TNRC6A: variants seen among roughly 807,000 people sequenced by gnomAD.
TNRC6A encodes trinucleotide repeat containing adaptor 6A, also known as trinucleotide repeat-containing gene 6A protein.
In TNRC6A, 44 loss-of-function variants were observed where a neutral mutation model predicts 221.2. That is an observed-to-expected ratio of 0.20 (90% CI 0.16 to 0.26). The LOEUF is 0.26. TNRC6A is among the 10% of genes least tolerant of loss of function. The probability of loss-of-function intolerance (pLI) is 1.00; values close to 1 mark genes in which losing one functional copy is unlikely to be tolerated. For missense variants in TNRC6A, 2,199 were observed against 2,404.4 expected (o/e 0.91, Z 1.79); for synonymous variants, 847 against 838.5 (o/e 1.01, Z -0.18).
chr16:24,705,586 C>T (rs1302881655), intron 2 of TNRC6A, among the ~76,000 whole-genome samples: 1 of 152,214 alleles, frequency 6.6e-6, no homozygotes, highest in Non-Finnish European at 1.5e-5. Context: ...CCTGCCTTGG[C>T]CTCCTAAAGT....
intron 3 of TNRC6A, among the ~76,000 whole-genome samples, chr16:24,755,967 T>C (rs571709556): frequency 6.6e-6 from 1 of 152,288 alleles, no homozygotes. Flanking sequence ...TTGACCCTCA[T>C]AATAACCCTG....
At chr16:24,639,841 G>T (rs889120880) in intron 1 of TNRC6A, among the ~76,000 whole-genome samples, 1 of 152,046 alleles carries the variant, frequency 6.6e-6, no homozygotes, top group African/African-American at 2.4e-5. Flanking sequence ...GTTTTTTGTA[G>T]AAATGAGGCT....
In TNRC6A at chr16:24,781,043, CTTTTT is replaced by C. The variant is rs35502747; in HGVS notation, c.589+3706_589+3710del. Among the ~76,000 whole-genome samples the C allele has an allele frequency of 9.9e-4, 53 of 53,432 alleles. 1 individual carries two copies. Among genetic ancestry groups the C allele is most frequent in the African/African-American group, 4.1e-3 (47 of 11,326 alleles). 35.1% of individuals were successfully genotyped at this position (53,432 alleles called of 152,430 possible). On this transcript the variant is annotated intron_variant, in intron 5 of 24. Transcript: ENST00000395799. ...AAAAATTTTCTTAAGCCTCCATACT[CTTTTT>C]TTTTTTTTTTTTTTTTTTTTGGAGG... is the stretch of plus-strand genomic sequence containing the variant.
chr16:24,735,631 CTG>C (rs936547444), intron 2 of TNRC6A, among the ~76,000 whole-genome samples: 15 of 152,190 alleles, frequency 9.9e-5, no homozygotes, highest in African/African-American at 3.6e-4. Flanking sequence ...TAACAACCCT[CTG>C]TGGAAAATTT....
chr16:24,619,066 C>T (rs1394602536), intron 1 of TNRC6A, among the ~76,000 whole-genome samples: 12 of 152,108 alleles, frequency 7.9e-5, no homozygotes, highest in Admixed American at 7.9e-4. Context: ...ATTTTAAAAC[C>T]ATTGCTCTAA....
At chr16:24,746,332 A>G (rs1480879031) in intron 2 of TNRC6A, among the ~76,000 whole-genome samples, 2 of 152,142 alleles carry the variant, frequency 1.3e-5, no homozygotes, top group African/African-American at 4.8e-5. Flanking sequence ...AGGCCGAGGT[A>G]GGAGGATTGC....
At chr16:24,693,874 G>A (rs2055804820) in intron 2 of TNRC6A, among the ~76,000 whole-genome samples, 1 of 148,360 alleles carries the variant, frequency 6.7e-6, no homozygotes, top group Admixed American at 6.9e-5. Flanking sequence ...CTCCAGCATG[G>A]GTGACAGAGT....
Position 24,730,238 on chromosome 16 carries a change from G to GT in TNRC6A, c.6-8dup, listed in dbSNP as rs759181766. On this transcript the variant is annotated splice_polypyrimidine_tract_variant and intron_variant, in intron 1 of 24. Coordinates refer to ENST00000395799, the MANE Select transcript of TNRC6A (RefSeq NM_014494.4). ...GTGTTTTTGTTTTGTTTTTGTTTTTGTTTTTTTGTTTCAGAGAATTGGAAG... is the reference window on the plus strand; with the variant it reads ...GTGTTTTTGTTTTGTTTTTGTTTTTGTTTTTTTTGTTTCAGAGAATTGGAAG... 1.2e-5 allele frequency: 18 copies of GT among 1,562,210 alleles called. No homozygotes were observed. Among genetic ancestry groups the GT allele is most frequent in the African/African-American group, 6.9e-5 (5 of 72,076 alleles).
chr16:24,817,428 C>T (rs2058678149), intron 20 of TNRC6A, among the ~76,000 whole-genome samples: 2 of 152,070 alleles, frequency 1.3e-5, no homozygotes, highest in African/African-American at 4.8e-5. Flanking sequence ...ATTATATATG[C>T]TTATATACTC....
At position 24,720,215 on chromosome 16, in the gene TNRC6A, C is replaced by T. The variant is rs2056384883; in HGVS notation, n.403-30511C>T. On this transcript the variant is annotated intron_variant and non_coding_transcript_variant, in intron 2 of 2. Transcript: ENST00000566108. ...TCAGAAAAATTACCACTCTGGCCAACATAACAAGGCCCTGTCTACAAATAA... is the reference window on the plus strand; with the variant it reads ...TCAGAAAAATTACCACTCTGGCCAATATAACAAGGCCCTGTCTACAAATAA... 2.0e-5 allele frequency among the ~76,000 whole-genome samples: 3 copies of T among 152,258 alleles called. No individual in the cohort carries two copies. The South Asian group carries it at 6.2e-4, about 32-fold the overall frequency.
intron 2 of TNRC6A, among the ~76,000 whole-genome samples, chr16:24,647,431 C>G (rs1384914633): frequency 1.3e-5 from 2 of 152,118 alleles, no homozygotes; most frequent in Admixed American, 6.6e-5. Flanking sequence ...GGTTTTTGCT[C>G]AACATTTTAT....
chr16:24,764,355 C>T (rs1596646669), intron 4 of TNRC6A, among the ~76,000 whole-genome samples: 2 of 148,620 alleles, frequency 1.3e-5, no homozygotes, highest in African/African-American at 5.0e-5. Context: ...GAGACAGAGT[C>T]TTGCTCTGTC....
At chr16:24,722,223 C>T (rs1202285286) in intron 2 of TNRC6A, among the ~76,000 whole-genome samples, 1 of 152,166 alleles carries the variant, frequency 6.6e-6, no homozygotes, top group Non-Finnish European at 1.5e-5. Context: ...CCAGCCTGAG[C>T]AACACAGCAA....
chr16:24,689,662 C>A (rs961682152), intron 2 of TNRC6A, among the ~76,000 whole-genome samples: 1 of 151,318 alleles, frequency 6.6e-6, no homozygotes, highest in African/African-American at 2.5e-5. Flanking sequence ...CAAATTGCTG[C>A]CCTTATAGAG....
chr16:24,791,077 G>T lies in TNRC6A; in HGVS notation c.2435G>T (p.Gly812Val), dbSNP rs764926104. ...GGWEDDSAAT[G>V]MVKSNQWGNC... ...TGGGAAGATGATTCTGCTGCTACAG[G>T]AATGGTCAAGAGCAATCAGTGGGGG... Residue 812 changes from glycine (G) to valine (V), a missense_variant, in exon 6 of 25, where the codon GGA (glycine) becomes GTA (valine). Physicochemically the swap from Gly to Val is moderately radical, Grantham distance 109. Transcript: ENST00000395799. 16 of 1,608,654 alleles carry T rather than the reference G, an allele frequency of 9.9e-6. No homozygotes were observed. Among genetic ancestry groups the T allele is most frequent in the Middle Eastern group, 3.3e-4 (2 of 6,050 alleles).
chr16:24,773,781 T>C (rs1307087890), intron 4 of TNRC6A, among the ~76,000 whole-genome samples: 1 of 152,204 alleles, frequency 6.6e-6, no homozygotes, highest in African/African-American at 2.4e-5. Context: ...ATAATGCTTT[T>C]CTCTTTGAAT....
chr16:24,623,185 A>AC (rs1169276380), intron 1 of TNRC6A, among the ~76,000 whole-genome samples: 94 of 145,008 alleles, frequency 6.5e-4, no homozygotes, highest in African/African-American at 2.5e-3. Flanking sequence ...TTATTTATTT[A>AC]TTTATTTACT....
Position 24,652,290 on chromosome 16 carries a change from C to T in TNRC6A, n.402+11281C>T, listed in dbSNP as rs373971434. On this transcript the variant is annotated intron_variant and non_coding_transcript_variant, in intron 2 of 2. Coordinates refer to the TNRC6A transcript ENST00000566108. ...AATTAAGTAGAATTCACTGCAATCC[C>T]GATTATATGGTGGCTAGATAAGTGT... 2.0e-5 allele frequency among the ~76,000 whole-genome samples: 3 copies of T among 152,196 alleles called. No homozygotes were observed. In the East Asian group the frequency reaches 5.8e-4, roughly 29 times the overall value.
intron 2 of TNRC6A, among the ~76,000 whole-genome samples, chr16:24,659,573 G>T (rs948763655): frequency 1.3e-5 from 2 of 152,144 alleles, no homozygotes; most frequent in Non-Finnish European, 2.9e-5. Context: ...CTCCCAAGTA[G>T]CTGGAACTAC....
Sources: gnomAD v4.1 joint callset for allele counts (sites outside exome capture counted in the v4.1 genomes callset) on GRCh38, gnomAD v4.1.1 for gene constraint, MANE v1.5 for transcripts, NCBI Gene and HGNC (gene_info 2026-07-23, HGNC 2026-07-21) for gene names.